ABL2: variants seen among roughly 807,000 people sequenced by gnomAD.
ABL2 encodes the protein tyrosine-protein kinase ABL2.
Under a neutral mutation model 107.7 loss-of-function variants are expected in ABL2, and 49 were observed. That is an observed-to-expected ratio of 0.45 (90% CI 0.36 to 0.58). The LOEUF (loss-of-function observed/expected upper bound fraction) is 0.58. ABL2 is among the 20% of genes least tolerant of loss of function. The pLI is 0.00. For missense variants in ABL2, 1,245 were observed against 1,457.0 expected (o/e 0.85, Z 2.37); for synonymous variants, 549 against 548.6 (o/e 1.00, Z -0.01).
intron 1 of ABL2, among the ~76,000 whole-genome samples, chr1:179,209,354 C>A (rs777826127): frequency 6.6e-6 from 1 of 152,164 alleles, no homozygotes; most frequent in African/African-American, 2.4e-5. Flanking sequence ...GACTTCTACA[C>A]GCTGTCCACT....
rs376379800 is a variant in ABL2 at position 179,109,463 on chromosome 1, G to T, written c.1826-22C>A. On this transcript the variant is annotated intron_variant, in intron 11 of 11. Coordinates refer to ENST00000502732, the MANE Select transcript of ABL2 (RefSeq NM_007314.4). ...AACCCTGATGAGAAATGGCCGATCA[G>T]TAACTTAAAAGACAAGAAGTGAATC... is the stretch of plus-strand genomic sequence containing the variant. 7 of 1,584,298 alleles carry T rather than the reference G, an allele frequency of 4.4e-6. No individual in the cohort carries two copies. In the African/African-American group the frequency reaches 8.2e-5, roughly 19 times the overall value.
At position 179,131,677 on chromosome 1, in the gene ABL2, G is replaced by A. The variant is rs534924493; in HGVS notation, c.221-196C>T. Among the ~76,000 whole-genome samples, 4 of 152,304 alleles carry A rather than the reference G, an allele frequency of 2.6e-5. No homozygotes were observed. The South Asian group carries it at 8.3e-4, about 32-fold the overall frequency. Reference sequence around the variant, plus strand: ...AGGAAGCAATTTACTTGTTGAAAATGTAAAACAAGGTAGTCAGAGAAAAGA... The same window carrying A: ...AGGAAGCAATTTACTTGTTGAAAATATAAAACAAGGTAGTCAGAGAAAAGA... On this transcript the variant is annotated intron_variant, in intron 2 of 11. Coordinates refer to ENST00000502732, the MANE Select transcript of ABL2 (RefSeq NM_007314.4).
At chr1:179,109,522 G>T in intron 11 of ABL2, 81 bp from the exon 12 acceptor site, 1 of 1,515,740 alleles carries the variant, frequency 6.6e-7, no homozygotes. Flanking sequence ...TGCATTATGA[G>T]TTTTGTCAGC....
At chr1:179,201,995 G>C in intron 1 of ABL2, 1 of 903,964 alleles carries the variant, frequency 1.1e-6, no homozygotes, top group Non-Finnish European at 1.4e-6. Context: ...CAGGAGAGGA[G>C]AGGGAAGGGA....
intron 1 of ABL2, among the ~76,000 whole-genome samples, chr1:179,195,729 C>T (rs1019944427): frequency 5.3e-5 from 8 of 152,200 alleles, no homozygotes; most frequent in African/African-American, 1.4e-4. Flanking sequence ...TTCTCCTGCA[C>T]GTTACAACAC....
chr1:179,223,105 C>T (rs1413113792), intron 1 of ABL2, among the ~76,000 whole-genome samples: 1 of 123,466 alleles, frequency 8.1e-6, no homozygotes, highest in Non-Finnish European at 1.7e-5. Context: ...GCAAGGCTCC[C>T]TCTCAAAAAA....
At position 179,109,205 on chromosome 1, in the gene ABL2, T is replaced by C. The variant is rs1229266095; in HGVS notation, c.2062A>G (p.Asn688Asp). Residue 688 changes from asparagine (N) to aspartate (D), a missense_variant, in exon 12 of 12, where the codon AAC (asparagine) becomes GAC (aspartate). Coordinates refer to ENST00000502732, the MANE Select transcript of ABL2 (RefSeq NM_007314.4). ...TGTAGAGAAGCAACAGATGAGAAGTTACCCGTGAGTTCGTATTTCTTATGG... is the reference window on the plus strand; with the variant it reads ...TGTAGAGAAGCAACAGATGAGAAGTCACCCGTGAGTTCGTATTTCTTATGG... ...QPHKKYELTG[N>D]FSSVASLQHA... is the part of the protein sequence containing the mutation. 1.2e-6 allele frequency: 2 copies of C among 1,613,896 alleles called. No homozygotes were observed. Among genetic ancestry groups the C allele is most frequent in the Non-Finnish European group, 1.7e-6 (2 of 1,179,992 alleles).
At position 179,126,508 on chromosome 1, in the gene ABL2, G is replaced by T; in HGVS notation, c.556C>A (p.Leu186Met). 1 of 1,614,166 alleles carries T rather than the reference G, an allele frequency of 6.2e-7. No individual in the cohort carries two copies. The highest frequency in any genetic ancestry group is 8.5e-7 in the Non-Finnish European group (1 of 1,180,038). Residue 186 changes from leucine to methionine, a missense_variant, in exon 4 of 12, where the codon CTG becomes ATG. Around this residue, in one of 3 missense-constraint regions of ABL2, gnomAD observed 320 missense variants for 547.0 expected, o/e 0.59. Coordinates refer to ENST00000502732, the MANE Select transcript of ABL2 (RefSeq NM_007314.4). The surrounding 1 kb of genome is among the most constrained non-coding windows in gnomAD (Gnocchi z 4.4). Reference sequence around the variant, plus strand: ...CTGCCATTGATTAGACTGCTGAGCAGATACTCAGCTGCACTGCGTGACACA... The same window carrying T: ...CTGCCATTGATTAGACTGCTGAGCATATACTCAGCTGCACTGCGTGACACA... ...GPVSRSAAEYLLSSLINGSFL... is the reference protein window; with the variant it reads ...GPVSRSAAEYMLSSLINGSFL...
chr1:179,226,872 T>G (rs1212605324), intron 1 of ABL2, among the ~76,000 whole-genome samples: 1 of 152,220 alleles, frequency 6.6e-6, no homozygotes, highest in Non-Finnish European at 1.5e-5. Flanking sequence ...GTGATCTCTC[T>G]TCTTTCATCC....
At chr1:179,178,246 C>T (rs1454820817) in intron 1 of ABL2, among the ~76,000 whole-genome samples, 1 of 151,386 alleles carries the variant, frequency 6.6e-6, no homozygotes, top group Non-Finnish European at 1.5e-5. Context: ...AAAAATACAA[C>T]AATTAGCTGG....
chr1:179,119,526 A>C (rs1014273318), intron 6 of ABL2, among the ~76,000 whole-genome samples: 11 of 147,262 alleles, frequency 7.5e-5, no homozygotes, highest in South Asian at 4.2e-4. Context: ...AACAAACAAA[A>C]AAAAACACCC....
At chr1:179,199,501 C>T (rs536291858) in intron 1 of ABL2, among the ~76,000 whole-genome samples, 30 of 152,228 alleles carry the variant, frequency 2.0e-4, no homozygotes, top group African/African-American at 5.8e-4. Context: ...CCCCTTTAAA[C>T]TTCTCCAATC....
At chr1:179,214,198 G>A (rs1288343879) in intron 1 of ABL2, among the ~76,000 whole-genome samples, 1 of 151,710 alleles carries the variant, frequency 6.6e-6, no homozygotes, top group Admixed American at 6.6e-5. Context: ...TTTTACTGAG[G>A]GGCAAAAAAA....
In ABL2 at chr1:179,144,060, G is replaced by T. The variant is rs549723095; in HGVS notation, c.158-10686C>A. On this transcript the variant is annotated intron_variant, in intron 1 of 11. Coordinates refer to ENST00000502732, the MANE Select transcript of ABL2 (RefSeq NM_007314.4). The stretch of plus-strand genomic sequence containing the variant: ...GTTAATAAACAGGAACAAAGTTAAA[G>T]AAAATTTAAAAACCTGAAAATGATA... 2.7e-3 allele frequency among the ~76,000 whole-genome samples: 412 copies of T among 152,236 alleles called. 2 individuals carry two copies. Among genetic ancestry groups the T allele is most frequent in the African/African-American group, 9.5e-3 (395 of 41,548 alleles).
chr1:179,184,004 T>C (rs146443614), intron 1 of ABL2: 26 of 264,192 alleles, frequency 9.8e-5, no homozygotes, highest in Non-Finnish European at 1.4e-4. Flanking sequence ...CAAAATGAAA[T>C]AGACAGGCTT....
intron 1 of ABL2, among the ~76,000 whole-genome samples, chr1:179,193,783 G>A (rs1159274359): frequency 1.3e-5 from 2 of 152,138 alleles, no homozygotes; most frequent in Non-Finnish European, 2.9e-5. Flanking sequence ...CCAGGCTGGA[G>A]TGCAATGGCG....
At position 179,108,454 on chromosome 1, in the gene ABL2, G is replaced by T; in HGVS notation, c.2813C>A (p.Thr938Asn). 1.2e-6 allele frequency: 2 copies of T among 1,614,244 alleles called. No homozygotes were observed. The highest frequency in any genetic ancestry group is 1.7e-6 in the Non-Finnish European group (2 of 1,180,042). The change falls in exon 12 of 12, where the codon ACT becomes AAT. Residue 938 changes from threonine to asparagine, a missense_variant. Physicochemically the swap from Thr to Asn is moderately conservative, Grantham distance 65. Around this residue, in one of 3 missense-constraint regions of ABL2, gnomAD observed 761 missense variants for 766.4 expected, o/e 0.99. Transcript: ENST00000502732. ...NHKVPVLISP[T>N]LKHTPADVQL... The stretch of plus-strand genomic sequence containing the variant: ...CACGTCAGCTGGAGTGTGTTTCAGA[G>T]TGGGTGAGATAAGGACTGGCACTTT...
Position 179,184,266 on chromosome 1 carries a change from C to G in ABL2, c.157+44975G>C, listed in dbSNP as rs182713149. Reference sequence around the variant, plus strand: ...AATAGACTTTTATTTTGATGAAAATCCTTCCTTTAAAAATAAAGTTATCTT... The same window carrying G: ...AATAGACTTTTATTTTGATGAAAATGCTTCCTTTAAAAATAAAGTTATCTT... On this transcript the variant is annotated intron_variant, in intron 1 of 11. Coordinates refer to ENST00000502732, the MANE Select transcript of ABL2 (RefSeq NM_007314.4). The G allele has an allele frequency of 1.9e-4, 101 of 531,352 alleles. No homozygotes were observed. In the Middle Eastern group the frequency reaches 5.7e-3, roughly 30 times the overall value. The allele number at this position is 531,352 out of a possible 1,614,324, so 32.9% of individuals were successfully genotyped here.
intron 5 of ABL2, 107 bp downstream of exon 5, chr1:179,121,488 T>C: frequency 2.1e-6 from 3 of 1,409,820 alleles, no homozygotes; most frequent in Non-Finnish European, 2.9e-6. Flanking sequence ...TGCTTGGCAC[T>C]AGTGGGTGGA....
Sources: allele counts gnomAD v4.1 joint callset (sites outside exome capture counted in the v4.1 genomes callset), GRCh38; gene constraint gnomAD v4.1.1; regional missense constraint gnomAD v4.1.1; non-coding constraint Gnocchi (gnomAD v3.1); transcripts MANE v1.5; gene names NCBI Gene and HGNC (gene_info 2026-07-23, HGNC 2026-07-21).